Variants in PRSS12 observed in about 807,000 individuals in gnomAD.
PRSS12 encodes the protein serine protease 12, also known as neurotrypsin.
A neutral mutation model predicts 104.4 loss-of-function variants in PRSS12; 85 were observed. The ratio of observed to expected loss-of-function variants is 0.81; its 90% CI spans 0.68 to 0.98. The LOEUF (loss-of-function observed/expected upper bound fraction) is 0.98. Among genes scored for constraint, PRSS12 ranks in the 50% least tolerant of loss-of-function variants. The pLI is 0.00. For missense variants in PRSS12, 1,141 were observed against 1,139.2 expected (o/e 1.00, Z -0.02); for synonymous variants, 454 against 425.2 (o/e 1.07, Z -0.83).
intron 11 of PRSS12, among the ~76,000 whole-genome samples, chr4:118,287,572 C>A (rs1743042156): frequency 6.6e-6 from 1 of 152,176 alleles, no homozygotes; most frequent in Non-Finnish European, 1.5e-5. Context: ...TGAAGAGCAT[C>A]TGACACAAGA....
rs1263425942 is a variant in PRSS12 at position 118,346,503 on chromosome 4, T to C, written c.502+5716A>G. Among the ~76,000 whole-genome samples the C allele has an allele frequency of 2.6e-5, 4 of 151,538 alleles. No individual in the cohort carries two copies. In the East Asian group the frequency reaches 7.7e-4, roughly 29 times the overall value. On this transcript the variant is annotated intron_variant, in intron 1 of 12. Transcript: ENST00000296498. Reference sequence around the variant, plus strand: ...TATTTACAATAATTATTTTAGTATCTGCATAATATCCATCAAATGCAGGTA... The same window carrying C: ...TATTTACAATAATTATTTTAGTATCCGCATAATATCCATCAAATGCAGGTA...
Position 118,313,255 on chromosome 4 carries a change from C to T in PRSS12, c.1435G>A (p.Glu479Lys), listed in dbSNP as rs759717315. Residue 479 changes from glutamate to lysine, a missense_variant, in exon 7 of 13, where the codon GAA becomes AAA. Transcript: ENST00000296498. ...GGGTAGCAGGCAATGCTAACATCTTCGCGGTGGCTGCAGTCATGCCTTCCC... is the reference window on the plus strand; with the variant it reads ...GGGTAGCAGGCAATGCTAACATCTTTGCGGTGGCTGCAGTCATGCCTTCCC... ...QWGRHDCSHR[E>K]DVSIACYPGG... The T allele has an allele frequency of 2.5e-5, 41 of 1,614,078 alleles. No individual in the cohort carries two copies. Among genetic ancestry groups the T allele is most frequent in the Non-Finnish European group, 3.1e-5 (37 of 1,180,002 alleles).
At chr4:118,320,332 T>G (rs1723581732) in intron 4 of PRSS12, among the ~76,000 whole-genome samples, 2 of 152,104 alleles carry the variant, frequency 1.3e-5, no homozygotes, top group Non-Finnish European at 2.9e-5. Context: ...AATGGTAAAG[T>G]CTTAGATACC....
chr4:118,316,440 T>G (rs1723415774), intron 5 of PRSS12, 117 bp from the exon 6 acceptor site: 1 of 1,258,750 alleles, frequency 7.9e-7, no homozygotes, highest in African/African-American at 1.5e-5. Flanking sequence ...GGCCTTTTGC[T>G]AAACTTACAT....
chr4:118,325,451 G>A (rs2126038307), intron 4 of PRSS12, among the ~76,000 whole-genome samples: 1 of 151,780 alleles, frequency 6.6e-6, no homozygotes, highest in South Asian at 2.1e-4. Flanking sequence ...ATAAACTTGA[G>A]AACAACAACA....
At chr4:118,295,661 G>T in intron 10 of PRSS12, 117 bp downstream of exon 10, 1 of 977,320 alleles carries the variant, frequency 1.0e-6, no homozygotes, top group East Asian at 2.6e-5. Context: ...TCTGAATTTA[G>T]TTTAGAAAAT....
intron 6 of PRSS12, among the ~76,000 whole-genome samples, chr4:118,314,365 T>C (rs189491384): frequency 9.9e-4 from 151 of 152,262 alleles, no homozygotes; most frequent in African/African-American, 3.4e-3. Flanking sequence ...TTTTAATAAA[T>C]TAAAACAATG....
intron 1 of PRSS12, among the ~76,000 whole-genome samples, chr4:118,350,497 T>G (rs1457311780): frequency 1.3e-5 from 2 of 152,230 alleles, no homozygotes. Flanking sequence ...CCTATTTTTT[T>G]GTGGTGGTGG....
At chr4:118,291,714 C>A (rs575482756) in intron 11 of PRSS12, among the ~76,000 whole-genome samples, 1 of 152,198 alleles carries the variant, frequency 6.6e-6, no homozygotes, top group South Asian at 2.1e-4. Flanking sequence ...CACAGAAAGA[C>A]AGAATAGCAA....
intron 11 of PRSS12, among the ~76,000 whole-genome samples, chr4:118,290,399 C>T (rs1375400201): frequency 1.3e-5 from 2 of 152,116 alleles, no homozygotes; most frequent in East Asian, 3.9e-4. Context: ...AGGAAGATAA[C>T]AGATTATTTT....
intron 8 of PRSS12, among the ~76,000 whole-genome samples, chr4:118,306,869 C>A (rs533630350): frequency 1.3e-5 from 2 of 152,096 alleles, no homozygotes; most frequent in South Asian, 4.1e-4. Context: ...TTAGCTGAGA[C>A]ACACAATTTG....
chr4:118,309,369 C>T (rs1743646008), intron 7 of PRSS12, among the ~76,000 whole-genome samples: 2 of 152,124 alleles, frequency 1.3e-5, no homozygotes, highest in Non-Finnish European at 2.9e-5. Context: ...TAATCAAATA[C>T]GTTGGTATTC....
chr4:118,348,327 A>G (rs1386544146), intron 1 of PRSS12, among the ~76,000 whole-genome samples: 1 of 152,240 alleles, frequency 6.6e-6, no homozygotes, highest in Non-Finnish European at 1.5e-5. Flanking sequence ...GGCATGCCTT[A>G]CACCTGCTCC....
intron 5 of PRSS12, among the ~76,000 whole-genome samples, chr4:118,317,564 G>A (rs980777098): frequency 6.6e-5 from 10 of 152,134 alleles, no homozygotes; most frequent in Non-Finnish European, 1.3e-4. Context: ...GAAAATGGCA[G>A]TTCAAGAAAA....
At chr4:118,350,891 TAAG>T (rs927319033) in intron 1 of PRSS12, among the ~76,000 whole-genome samples, 3 of 152,220 alleles carry the variant, frequency 2.0e-5, no homozygotes, top group African/African-American at 7.2e-5. Context: ...TTTATAAAAC[TAAG>T]AATAATATGA....
At chr4:118,329,447 A>T (rs1723863518) in intron 4 of PRSS12, among the ~76,000 whole-genome samples, 1 of 152,232 alleles carries the variant, frequency 6.6e-6, no homozygotes, top group Admixed American at 6.5e-5. Context: ...GTTTCTTAGT[A>T]ACTCACATGA....
At chr4:118,298,140 CAAAAAAA>C (rs889038925) in intron 9 of PRSS12, among the ~76,000 whole-genome samples, 12 of 59,504 alleles carry the variant, frequency 2.0e-4, no homozygotes, top group South Asian at 1.2e-3. Context: ...TCCGTCTCAA[CAAAAAAA>C]AAAAAAAAAA....
At chr4:118,315,754 TGA>T (rs1743889119) in intron 6 of PRSS12, among the ~76,000 whole-genome samples, 1 of 152,182 alleles carries the variant, frequency 6.6e-6, no homozygotes, top group Non-Finnish European at 1.5e-5. Context: ...CAAATAAAAG[TGA>T]TAATTATCAT....
rs879232387 is a variant in PRSS12, at chr4:118,299,000, C to T, written c.1632-62G>A. 6 of 1,531,258 alleles carry T rather than the reference C, an allele frequency of 3.9e-6. No individual in the cohort carries two copies. The South Asian group carries it at 6.8e-5, about 17-fold the overall frequency. The allele number at this position is 1,531,258 out of a possible 1,614,324, so 94.9% of individuals were successfully genotyped here. The stretch of plus-strand genomic sequence containing the variant: ...GTCAGTCATATATCTGAATAAATCA[C>T]AACATGTATTCAATTTTATTCCTTA... On this transcript the variant is annotated intron_variant, in intron 8 of 12. Transcript: ENST00000296498.
Sources: gnomAD v4.1 joint callset for allele counts (sites outside exome capture counted in the v4.1 genomes callset) on GRCh38, gnomAD v4.1.1 for gene constraint, MANE v1.5 for transcripts, NCBI Gene and HGNC (gene_info 2026-07-23, HGNC 2026-07-21) for gene names.